CHSY1: variants seen among roughly 807,000 people sequenced by gnomAD.
The protein encoded by CHSY1 is chondroitin sulfate synthase 1.
A neutral mutation model predicts 59.8 loss-of-function variants in CHSY1; 13 were observed. That is an observed-to-expected ratio of 0.22 (90% CI 0.14 to 0.35). CHSY1 has a LOEUF of 0.35. Ranked by LOEUF, CHSY1 falls within the 10% of genes least tolerant of loss-of-function variation. The pLI is 1.00. For synonymous variants in CHSY1, 459 were observed against 401.2 expected (o/e 1.14, Z -1.72); for missense variants, 947 against 1,030.6 (o/e 0.92, Z 1.11).
At chr15:101,250,496 C>A (rs1262636599) in intron 1 of CHSY1, among the ~76,000 whole-genome samples, 2 of 152,190 alleles carry the variant, frequency 1.3e-5, no homozygotes, top group Non-Finnish European at 2.9e-5. Context: ...GCATACACCA[C>A]CAAGCTGAAC....
chr15:101,249,098 C>T (rs1426328456), intron 1 of CHSY1, among the ~76,000 whole-genome samples: 3 of 152,090 alleles, frequency 2.0e-5, no homozygotes, highest in Non-Finnish European at 2.9e-5. Flanking sequence ...CCACCGCGCC[C>T]GGCCTGCATT....
intron 2 of CHSY1, among the ~76,000 whole-genome samples, chr15:101,230,308 C>A (rs1241091735): frequency 2.0e-5 from 3 of 152,146 alleles, no homozygotes; most frequent in Non-Finnish European, 2.9e-5. Flanking sequence ...TGAGGGTCTG[C>A]CTGGTTCTCA....
chr15:101,207,660 C>A (rs1486722680), intron 2 of CHSY1, among the ~76,000 whole-genome samples: 1 of 152,150 alleles, frequency 6.6e-6, no homozygotes, highest in Non-Finnish European at 1.5e-5. Flanking sequence ...GAAAATAGAT[C>A]TTCCAGAATA....
At chr15:101,221,812 G>A (rs1445028853) in intron 2 of CHSY1, among the ~76,000 whole-genome samples, 2 of 118,310 alleles carry the variant, frequency 1.7e-5, no homozygotes, top group Non-Finnish European at 3.2e-5. Context: ...GTCACAGGGA[G>A]TTTTTTTGTT....
chr15:101,201,065 C>T (rs2038569256), intron 2 of CHSY1, among the ~76,000 whole-genome samples: 6 of 151,712 alleles, frequency 4.0e-5, no homozygotes, highest in Admixed American at 2.6e-4. Context: ...TATCCCACTG[C>T]CCACTGCCCT....
chr15:101,241,955 A>G (rs933213700), intron 1 of CHSY1, among the ~76,000 whole-genome samples: 11 of 152,240 alleles, frequency 7.2e-5, no homozygotes, highest in African/African-American at 2.7e-4. Context: ...TACTTTAAAT[A>G]GTCTCTAGAT....
At chr15:101,218,782 C>G (rs1243300445) in intron 2 of CHSY1, among the ~76,000 whole-genome samples, 3 of 152,176 alleles carry the variant, frequency 2.0e-5, no homozygotes, top group Non-Finnish European at 4.4e-5. Context: ...TGAGGCCCAA[C>G]AGCTGTCACT....
chr15:101,176,343 T>G lies in CHSY1; in HGVS notation c.*1045A>C, dbSNP rs2038187790. 3 of 398,432 alleles carry G rather than the reference T, an allele frequency of 7.5e-6. No individual in the cohort carries two copies. The highest frequency in any genetic ancestry group is 1.3e-5 in the Non-Finnish European group (3 of 226,046). 24.7% of individuals were successfully genotyped at this position (398,432 alleles called of 1,614,324 possible). ...ATGAAAGGAACAAAACCAAATACAT[T>G]TTTCCCCAACGTTTTGATTAGGGTG... On this transcript the variant is annotated 3_prime_UTR_variant, in exon 3 of 3. Coordinates refer to ENST00000254190, the MANE Select transcript of CHSY1 (RefSeq NM_014918.5).
intron 1 of CHSY1, among the ~76,000 whole-genome samples, chr15:101,249,902 A>G (rs1312495918): frequency 3.3e-5 from 5 of 152,232 alleles, no homozygotes; most frequent in Non-Finnish European, 7.3e-5. Flanking sequence ...TCTGGACTTA[A>G]GCAGGACCCT....
intron 2 of CHSY1, among the ~76,000 whole-genome samples, chr15:101,219,458 G>C (rs550279798): frequency 1.3e-5 from 2 of 152,322 alleles, no homozygotes; most frequent in Admixed American, 6.5e-5. Flanking sequence ...TCCACGTAGG[G>C]AGGGGTGGAT....
chr15:101,224,290 A>G (rs753273307), intron 2 of CHSY1, among the ~76,000 whole-genome samples: 11 of 152,254 alleles, frequency 7.2e-5, no homozygotes, highest in Non-Finnish European at 1.6e-4. Context: ...GAAGAAAGGA[A>G]AAGAATACAT....
chr15:101,237,245 A>G (rs1011875213), intron 1 of CHSY1, among the ~76,000 whole-genome samples: 1 of 151,442 alleles, frequency 6.6e-6, no homozygotes, highest in African/African-American at 2.4e-5. Context: ...AAAAAAAAAA[A>G]AAACAGAGGC....
chr15:101,199,978 G>A (rs187986664), intron 2 of CHSY1, among the ~76,000 whole-genome samples: 5 of 152,154 alleles, frequency 3.3e-5, no homozygotes, highest in Admixed American at 1.3e-4. Context: ...CTGAAGCATC[G>A]TTCTGAATAA....
At position 101,178,449 on chromosome 15, in the gene CHSY1, C is replaced by T; in HGVS notation, c.1348G>A (p.Asp450Asn). ...TGCTTTTTGTACAGAAGCAGCAGGT[C>T]CAGGATGTACTCAGCCCCATACATG... ...NPMYGAEYIL[D>N]LLLLYKKHKG... The change falls in exon 3 of 3, where the codon GAC becomes AAC. Residue 450 changes from aspartate to asparagine, a missense_variant. Asp to Asn is a conservative substitution (Grantham distance 23). This residue lies in a region of CHSY1 where 602 missense variants were observed against 676.9 expected (regional missense o/e 0.89). Coordinates refer to ENST00000254190, the MANE Select transcript of CHSY1 (RefSeq NM_014918.5). 1 of 1,614,210 alleles carries T rather than the reference C, an allele frequency of 6.2e-7. No homozygotes were observed. The highest frequency in any genetic ancestry group is 1.6e-4 in the Middle Eastern group (1 of 6,062).
In CHSY1 at chr15:101,177,683, C is replaced by T. The variant is rs62621399; in HGVS notation, c.2114G>A (p.Arg705Gln). Residue 705 changes from arginine to glutamine, a missense_variant, in exon 3 of 3, where the codon CGA (arginine) becomes CAA (glutamine). Transcript: ENST00000254190. ...GATGGAAACATCAAAGCCACCCACTCGGACAAGATCTCCCTTATAAATACA... is the reference window on the plus strand; with the variant it reads ...GATGGAAACATCAAAGCCACCCACTTGGACAAGATCTCCCTTATAAATACA... The part of the protein sequence containing the change: ...ITCIYKGDLV[R>Q]VGGFDVSIQG... 206,178 of 1,614,080 alleles carry T rather than the reference C, an allele frequency of 0.13. 14,703 individuals carry two copies. The highest frequency in any genetic ancestry group is 0.14 in the Non-Finnish European group (170,292 of 1,180,000).
At chr15:101,183,246 G>A (rs879269749) in intron 2 of CHSY1, among the ~76,000 whole-genome samples, 1 of 152,140 alleles carries the variant, frequency 6.6e-6, no homozygotes, top group African/African-American at 2.4e-5. Context: ...CCAGAATTAA[G>A]GGAGTCAGGT....
chr15:101,201,397 C>G (rs1253832911), intron 2 of CHSY1, among the ~76,000 whole-genome samples: 1 of 152,156 alleles, frequency 6.6e-6, no homozygotes, highest in Non-Finnish European at 1.5e-5. Context: ...TCCTATAGAA[C>G]AAGGTGGGGA....
chr15:101,184,383 A>AT (rs71287809), intron 2 of CHSY1, among the ~76,000 whole-genome samples: 11,328 of 144,906 alleles, frequency 0.078, 544 homozygotes, highest in Admixed American at 0.11. Flanking sequence ...TATATATATA[A>AT]TTTTTTTTTT....
chr15:101,183,224 A>G (rs1365968715), intron 2 of CHSY1, among the ~76,000 whole-genome samples: 1 of 152,120 alleles, frequency 6.6e-6, no homozygotes, highest in African/African-American at 2.4e-5. Context: ...ACAACAATAT[A>G]AAAAAATGGA....
Sources: gnomAD v4.1 joint callset for allele counts (sites outside exome capture counted in the v4.1 genomes callset) on GRCh38, gnomAD v4.1.1 for gene constraint, gnomAD v4.1.1 regional missense constraint, MANE v1.5 for transcripts, NCBI Gene and HGNC (gene_info 2026-07-23, HGNC 2026-07-21) for gene names.